The following COL4A3 variants were observed in gnomAD, a reference collection of about 807,000 sequenced individuals.
COL4A3 encodes the protein collagen type IV alpha 3 chain.
A neutral mutation model predicts 217.4 loss-of-function variants in COL4A3; 135 were observed. The ratio of observed to expected loss-of-function variants is 0.62; its 90% CI spans 0.54 to 0.72. COL4A3 has a LOEUF of 0.72. Ranked by LOEUF, COL4A3 falls within the 30% of genes least tolerant of loss-of-function variation. The pLI is 0.00. For synonymous variants in COL4A3, 690 were observed against 736.3 expected (o/e 0.94, Z 1.02); for missense variants, 1,868 against 2,119.9 (o/e 0.88, Z 2.33).
chr2:227,263,108 A>G (rs955315952), intron 20 of COL4A3, among the ~76,000 whole-genome samples: 2 of 152,204 alleles, frequency 1.3e-5, no homozygotes, highest in Non-Finnish European at 2.9e-5. Context: ...AAAAAATACA[A>G]AACTCTGAAA....
At chr2:227,204,786 G>C (rs1336922652) in intron 1 of COL4A3, among the ~76,000 whole-genome samples, 1 of 152,222 alleles carries the variant, frequency 6.6e-6, no homozygotes, top group Non-Finnish European at 1.5e-5. Flanking sequence ...TTCCTTTACT[G>C]TGTATCTGGA....
Position 227,253,960 on chromosome 2 carries a change from G to A in COL4A3, c.766-152G>A. ...CGCAGGTATAAAATTTGAAATGTGA[G>A]AAATGGAAGGTGTATTGGGTTGTGT... On this transcript the variant is annotated intron_variant, in intron 13 of 51. Coordinates refer to ENST00000396578, the MANE Select transcript of COL4A3 (RefSeq NM_000091.5). This position sits in a 1 kb window ranked among gnomAD's most constrained non-coding sequence, Gnocchi z 4.4. 1 of 764,864 alleles carries A rather than the reference G, an allele frequency of 1.3e-6. No homozygotes were observed. Among genetic ancestry groups the A allele is most frequent in the East Asian group, 2.6e-5 (1 of 37,752 alleles). The allele number at this position is 764,864 out of a possible 1,614,324, so 47.4% of individuals were successfully genotyped here.
At chr2:227,277,617 TAAATA>T (rs1403620033) in intron 28 of COL4A3, 64 bp downstream of exon 28, 1 of 909,300 alleles carries the variant, frequency 1.1e-6, no homozygotes, top group Non-Finnish European at 1.8e-6. Context: ...TTCATATGTA[TAAATA>T]AAATGAGTAA....
At chr2:227,213,866 C>T (rs1257287710) in intron 1 of COL4A3, among the ~76,000 whole-genome samples, 1 of 134,008 alleles carries the variant, frequency 7.5e-6, no homozygotes, top group East Asian at 2.2e-4. Context: ...CACACCACTG[C>T]ACACAAGCCC....
chr2:227,168,674 T>C (rs2065362061), intron 1 of COL4A3, among the ~76,000 whole-genome samples: 1 of 152,120 alleles, frequency 6.6e-6, no homozygotes, highest in Admixed American at 6.5e-5. Flanking sequence ...CTTTTGTACC[T>C]TGTCAAAATT....
intron 41 of COL4A3, among the ~76,000 whole-genome samples, chr2:227,295,953 C>T (rs1481089381): frequency 6.6e-6 from 1 of 152,154 alleles, no homozygotes; most frequent in African/African-American, 2.4e-5. Context: ...CCAGGAGAAA[C>T]ATCAGATTGT....
intron 34 of COL4A3, among the ~76,000 whole-genome samples, chr2:227,285,816 G>T (rs918721232): frequency 6.6e-6 from 1 of 152,120 alleles, no homozygotes; most frequent in Non-Finnish European, 1.5e-5. Context: ...TATGCATCGA[G>T]GCTGTTCTGT....
At chr2:227,174,376 A>G (rs1240819456) in intron 1 of COL4A3, among the ~76,000 whole-genome samples, 1 of 152,220 alleles carries the variant, frequency 6.6e-6, no homozygotes, top group Admixed American at 6.5e-5. Context: ...ACATTGGCCA[A>G]GTAAATTCCA....
At chr2:227,279,453 G>A (rs1316464311) in intron 28 of COL4A3, 1 of 229,410 alleles carries the variant, frequency 4.4e-6, no homozygotes, top group Non-Finnish European at 8.5e-6. Context: ...ATGCTTACAT[G>A]AATATATCCA....
At chr2:227,256,452 C>T in intron 17 of COL4A3, 56 bp downstream of exon 17, 1 of 1,389,542 alleles carries the variant, frequency 7.2e-7, no homozygotes, top group Non-Finnish European at 1.0e-6. Context: ...TGTGCTTTTA[C>T]TTTTACCTCC....
Position 227,314,780 on chromosome 2 carries a change from T to C in COL4A3, c.*2910T>C, listed in dbSNP as rs1277672006. 1.3e-5 allele frequency: 2 copies of C among 152,148 alleles called. No homozygotes were observed. The highest frequency in any genetic ancestry group is 1.3e-4 in the Admixed American group (2 of 15,288). 9.4% of individuals were successfully genotyped at this position (152,148 alleles called of 1,614,324 possible). A position where few individuals can be genotyped will look rare whatever the true frequency, so the allele number is the denominator to read the frequency against. ...TATTATATTGCCTAAGAATAAACATTTGTTAAATTGGAGCTGGTCCTTTTT... is the reference window on the plus strand; with the variant it reads ...TATTATATTGCCTAAGAATAAACATCTGTTAAATTGGAGCTGGTCCTTTTT... On this transcript the variant is annotated 3_prime_UTR_variant, in exon 52 of 52. Transcript: ENST00000396578.
At chr2:227,279,984 A>G (rs2071851306) in intron 29 of COL4A3, 94 bp downstream of exon 29, 5 of 761,412 alleles carry the variant, frequency 6.6e-6, no homozygotes, top group African/African-American at 1.8e-5. Flanking sequence ...CTCTAGATGT[A>G]GAAATGATCA....
At chr2:227,289,415 C>T (rs892988395) in intron 35 of COL4A3, among the ~76,000 whole-genome samples, 167 bp downstream of exon 35, 3 of 152,120 alleles carry the variant, frequency 2.0e-5, no homozygotes, top group Non-Finnish European at 2.9e-5. Context: ...TGATAGTTGG[C>T]GTGTCATTAA....
Position 227,208,805 on chromosome 2 carries a change from CAT to C in COL4A3, c.88-29157_88-29156del, listed in dbSNP as rs143669282. 6.1e-3 allele frequency among the ~76,000 whole-genome samples: 650 copies of C among 106,310 alleles called. 13 individuals carry two copies. The East Asian group carries it at 0.073, about 12-fold the overall frequency. The allele number at this position is 106,310 out of a possible 152,430, so 69.7% of individuals were successfully genotyped here. ...ACACACACACACACACACACACACACATATATACAGAAGGAGGTAAGTACAAA... is the reference window on the plus strand; with the variant it reads ...ACACACACACACACACACACACACACATATACAGAAGGAGGTAAGTACAAA... On this transcript the variant is annotated intron_variant, in intron 1 of 51. Coordinates refer to ENST00000396578, the MANE Select transcript of COL4A3 (RefSeq NM_000091.5).
intron 14 of COL4A3, 47 bp downstream of exon 14, chr2:227,254,221 C>A (rs780818218): frequency 3.1e-5 from 46 of 1,507,948 alleles, no homozygotes; most frequent in Non-Finnish European, 4.1e-5. Context: ...TAAAGTAGAG[C>A]CTTAGTATTT....
At chr2:227,254,884 C>T (rs916843698) in intron 15 of COL4A3, among the ~76,000 whole-genome samples, 169 bp downstream of exon 15, 1 of 152,292 alleles carries the variant, frequency 6.6e-6, no homozygotes, top group Admixed American at 6.5e-5. Context: ...ACGTTCAAGG[C>T]TAAAACAGGG....
chr2:227,225,234 A>AT (rs553567779), intron 1 of COL4A3, among the ~76,000 whole-genome samples: 3 of 152,052 alleles, frequency 2.0e-5, no homozygotes, highest in Non-Finnish European at 4.4e-5. Context: ...ATTTTCAAAG[A>AT]TTTTTTTTCA....
chr2:227,276,754 T>C (rs923734726), intron 27 of COL4A3, among the ~76,000 whole-genome samples: 2 of 152,208 alleles, frequency 1.3e-5, no homozygotes, highest in African/African-American at 2.4e-5. Context: ...GAAAAACCGT[T>C]CTGGAGTTTT....
In COL4A3 at chr2:227,300,198, A is replaced by C. The variant is rs1429677165; in HGVS notation, c.3882+1386A>C. 2.0e-5 allele frequency among the ~76,000 whole-genome samples: 3 copies of C among 152,196 alleles called. No individual in the cohort carries two copies. The South Asian group carries it at 6.2e-4, about 32-fold the overall frequency. On this transcript the variant is annotated intron_variant, in intron 43 of 51. Coordinates refer to ENST00000396578, the MANE Select transcript of COL4A3 (RefSeq NM_000091.5). The stretch of plus-strand genomic sequence containing the variant: ...CCCCAGTGAGTGGCTAAAGGACAGA[A>C]GGGTCTACTGTCCGGAACATCACCA...
Sources: gnomAD v4.1 joint callset for allele counts (sites outside exome capture counted in the v4.1 genomes callset) on GRCh38, gnomAD v4.1.1 for gene constraint, Gnocchi (gnomAD v3.1) non-coding constraint, MANE v1.5 for transcripts, NCBI Gene and HGNC (gene_info 2026-07-23, HGNC 2026-07-21) for gene names.